The following KALRN variants were observed in gnomAD, a reference collection of about 807,000 sequenced individuals.
KALRN encodes the protein kalirin RhoGEF kinase.
Under a neutral mutation model 353.7 loss-of-function variants are expected in KALRN, and 70 were observed. The observed-to-expected ratio is 0.20, with a 90% CI of 0.16 to 0.24. KALRN has a LOEUF of 0.24. KALRN is among the 10% of genes least tolerant of loss of function. KALRN has a pLI of 1.00. For missense variants in KALRN, 2,791 were observed against 3,756.7 expected, an observed-to-expected ratio of 0.74 and a Z score of 6.72; for synonymous variants, 1,391 against 1,434.8, an observed-to-expected ratio of 0.97 and a Z score of 0.69.
chr3:124,518,816 A>G, intron 33 of KALRN: 2 of 1,170,394 alleles, frequency 1.7e-6, no homozygotes, highest in Non-Finnish European at 2.1e-6. Flanking sequence ...GCTGCCCTAG[A>G]GGTCTGCAAC....
chr3:124,460,003 C>G (rs1042453212), intron 23 of KALRN, among the ~76,000 whole-genome samples: 3 of 152,146 alleles, frequency 2.0e-5, no homozygotes, highest in Non-Finnish European at 4.4e-5. Context: ...AGGGTTGATT[C>G]CTTCTGAGGG....
chr3:124,220,179 G>A (rs758266207), intron 1 of KALRN, among the ~76,000 whole-genome samples: 5 of 152,100 alleles, frequency 3.3e-5, no homozygotes, highest in African/African-American at 7.2e-5. Context: ...ACCTGACCTC[G>A]TGATCTGCCC....
chr3:124,542,324 C>G (rs1267488537), intron 33 of KALRN, among the ~76,000 whole-genome samples: 2 of 152,152 alleles, frequency 1.3e-5, no homozygotes, highest in Non-Finnish European at 2.9e-5. Context: ...CTTGGAGCAA[C>G]TTTGAGCCTC....
intron 33 of KALRN, chr3:124,519,822 A>G (rs1301557027): frequency 1.7e-5 from 17 of 985,250 alleles, no homozygotes; most frequent in Non-Finnish European, 2.0e-5. Flanking sequence ...ACTTTCTTGA[A>G]TGTGTTCTAA....
rs377483321 is a variant in KALRN at position 124,666,437 on chromosome 3, T to C, written c.6346-12T>C. On this transcript the variant is annotated splice_polypyrimidine_tract_variant and intron_variant, in intron 45 of 59. Coordinates refer to ENST00000682506, the MANE Select transcript of KALRN (RefSeq NM_001388419.1). ...TTTTCATTCACTTCACCCCAGCCCG[T>C]CTTTCCTTCAGGGCACTCTGACTGC... 3.0e-5 allele frequency: 48 copies of C among 1,613,206 alleles called. No individual in the cohort carries two copies. In the African/African-American group the frequency reaches 6.1e-4, roughly 21 times the overall value.
intron 34 of KALRN, among the ~76,000 whole-genome samples, chr3:124,593,687 G>A (rs1039991144): frequency 6.6e-6 from 1 of 152,142 alleles, no homozygotes; most frequent in Non-Finnish European, 1.5e-5. Context: ...CATTGTAGAG[G>A]CCCATTTGCT....
intron 1 of KALRN, among the ~76,000 whole-genome samples, chr3:124,198,198 T>C (rs538912041): frequency 6.6e-6 from 1 of 152,218 alleles, no homozygotes; most frequent in Non-Finnish European, 1.5e-5. Context: ...AGAGGTCATC[T>C]AACCTTGGGA....
chr3:124,591,597 T>A (rs1312978896), intron 34 of KALRN, among the ~76,000 whole-genome samples: 1 of 152,218 alleles, frequency 6.6e-6, no homozygotes, highest in Non-Finnish European at 1.5e-5. Context: ...AGGAATCTAA[T>A]GACATTTACC....
At chr3:124,189,311 G>C (rs528406852) in intron 1 of KALRN, among the ~76,000 whole-genome samples, 1 of 152,308 alleles carries the variant, frequency 6.6e-6, no homozygotes, top group African/African-American at 2.4e-5. Context: ...AGAGTGTTCT[G>C]AGACACTAAT....
chr3:124,426,479 T>A (rs1301314047), intron 15 of KALRN, among the ~76,000 whole-genome samples: 1 of 152,208 alleles, frequency 6.6e-6, no homozygotes, highest in African/African-American at 2.4e-5. Context: ...TCATGGCCCA[T>A]CATAACCTTA....
At chr3:124,518,634 G>A in intron 33 of KALRN, 1 of 1,479,432 alleles carries the variant, frequency 6.8e-7, no homozygotes, top group East Asian at 2.5e-5. Flanking sequence ...TCCCCGCCTG[G>A]GCCATGGGCT....
intron 51 of KALRN, among the ~76,000 whole-genome samples, chr3:124,692,035 C>T (rs1266089478): frequency 6.6e-6 from 1 of 152,160 alleles, no homozygotes; most frequent in East Asian, 1.9e-4. Flanking sequence ...TAGAGGGGGA[C>T]TTTCATCAGG....
chr3:124,227,663 GTTTTTTTT>G (rs747087120), intron 1 of KALRN, among the ~76,000 whole-genome samples: 2 of 69,256 alleles, frequency 2.9e-5, no homozygotes, highest in African/African-American at 1.0e-4. Context: ...CAACAGGGCT[GTTTTTTTT>G]TTTTTTTTTT....
At chr3:124,505,147 G>A (rs2065070408) in intron 33 of KALRN, among the ~76,000 whole-genome samples, 1 of 152,074 alleles carries the variant, frequency 6.6e-6, no homozygotes, top group Admixed American at 6.5e-5. Flanking sequence ...TATCAATTAA[G>A]GAGAAAAAGT....
At chr3:124,715,483 G>A (rs982441911) in intron 58 of KALRN, among the ~76,000 whole-genome samples, 5 of 152,186 alleles carry the variant, frequency 3.3e-5, no homozygotes, top group Admixed American at 2.0e-4. Context: ...GCTGTTAATT[G>A]CTCCCTTAAT....
chr3:124,048,964 G>A (rs1167687165), intron 1 of KALRN, among the ~76,000 whole-genome samples: 2 of 152,184 alleles, frequency 1.3e-5, no homozygotes, highest in Admixed American at 1.3e-4. Flanking sequence ...CTTGTTCAAA[G>A]GTGACTGTAG....
intron 23 of KALRN, among the ~76,000 whole-genome samples, chr3:124,457,103 G>A (rs983301968): frequency 1.3e-5 from 2 of 151,444 alleles, no homozygotes; most frequent in East Asian, 1.9e-4. Flanking sequence ...AGAGCCTCAC[G>A]GTGTCACCCA....
chr3:124,550,604 C>G (rs1328754352), intron 33 of KALRN, among the ~76,000 whole-genome samples: 2 of 152,130 alleles, frequency 1.3e-5, no homozygotes, highest in African/African-American at 4.8e-5. Context: ...TTTAGAAAAG[C>G]CTAGCTTTTG....
chr3:124,122,648 G>A (rs1467162636), intron 1 of KALRN, among the ~76,000 whole-genome samples: 2 of 151,938 alleles, frequency 1.3e-5, no homozygotes, highest in African/African-American at 4.8e-5. Flanking sequence ...ATTATGATTG[G>A]GGGCACCACA....
Sources: allele counts gnomAD v4.1 joint callset (sites outside exome capture counted in the v4.1 genomes callset), GRCh38; gene constraint gnomAD v4.1.1; transcripts MANE v1.5; gene names NCBI Gene and HGNC (gene_info 2026-07-23, HGNC 2026-07-21).